Variants in PTPRT observed in about 807,000 individuals in gnomAD.
The protein encoded by PTPRT is receptor-type tyrosine-protein phosphatase T.
A neutral mutation model predicts 176.8 loss-of-function variants in PTPRT; 56 were observed. The ratio of observed to expected loss-of-function variants is 0.32; its 90% CI spans 0.26 to 0.40. The LOEUF is 0.40. Among genes scored for constraint, PTPRT ranks in the 10% least tolerant of loss-of-function variants. PTPRT has a pLI of 1.00. For missense variants in PTPRT, 1,540 were observed against 1,908.2 expected, an observed-to-expected ratio of 0.81 and a Z score of 3.60; for synonymous variants, 783 against 739.0, an observed-to-expected ratio of 1.06 and a Z score of -0.96.
chr20:42,834,033 T>C (rs531302610), intron 2 of PTPRT, among the ~76,000 whole-genome samples: 1 of 152,146 alleles, frequency 6.6e-6, no homozygotes, highest in Non-Finnish European at 1.5e-5. Context: ...GAAATTAAAA[T>C]ATTTTGCTCT....
chr20:42,472,628 C>G, intron 7 of PTPRT, 66 bp from the exon 8 acceptor site: 1 of 1,516,172 alleles, frequency 6.6e-7, no homozygotes, highest in Non-Finnish European at 8.9e-7. Context: ...GGTACATGTT[C>G]TGCTACAACA....
chr20:42,954,413 C>T (rs114260843), intron 1 of PTPRT, among the ~76,000 whole-genome samples: 10,383 of 152,032 alleles, frequency 0.068, 998 homozygotes, highest in African/African-American at 0.22. Flanking sequence ...TCCCCTGGTC[C>T]AGGAGGACAG....
At chr20:42,260,442 G>T (rs1002131501) in intron 13 of PTPRT, among the ~76,000 whole-genome samples, 7 of 152,336 alleles carry the variant, frequency 4.6e-5, no homozygotes, top group Admixed American at 4.6e-4. Flanking sequence ...GGGATTAAGG[G>T]TTTAGTCTGA....
chr20:42,759,359 C>T (rs369585986), intron 5 of PTPRT, among the ~76,000 whole-genome samples: 13 of 152,142 alleles, frequency 8.5e-5, no homozygotes, highest in South Asian at 4.1e-4. Context: ...CACTTCTTAT[C>T]GCTGTCATAT....
At chr20:42,991,248 C>T (rs1255553963) in intron 1 of PTPRT, among the ~76,000 whole-genome samples, 3 of 152,024 alleles carry the variant, frequency 2.0e-5, no homozygotes, top group Admixed American at 2.0e-4. Flanking sequence ...ATCATAGAGG[C>T]CAGCCACCTC....
the PTPRT span, among the ~76,000 whole-genome samples, chr20:42,050,145 T>G: frequency 6.6e-6 from 1 of 152,364 alleles, no homozygotes; most frequent in South Asian, 2.1e-4. Flanking sequence ...TGTTCCTTTT[T>G]CATTGCTGGA....
chr20:42,370,911 A>G (rs758729636), intron 9 of PTPRT, among the ~76,000 whole-genome samples: 1 of 152,072 alleles, frequency 6.6e-6, no homozygotes, highest in East Asian at 1.9e-4. Flanking sequence ...CTGGCCCTAC[A>G]TCTTTCACCA....
At position 42,756,654 on chromosome 20, in the gene PTPRT, A is replaced by G. The variant is rs746731251; in HGVS notation, c.685-18T>C. 1.9e-6 allele frequency: 3 copies of G among 1,546,294 alleles called. No individual in the cohort carries two copies. Among genetic ancestry groups the G allele is most frequent in the Admixed American group, 1.9e-5 (1 of 53,408 alleles). On this transcript the variant is annotated intron_variant, in intron 5 of 30. Coordinates refer to ENST00000373187, the MANE Select transcript of PTPRT (RefSeq NM_007050.6). ...TTCCATTGCTGCAGAACAGAGGAAG[A>G]GAGGGAGAGGAGGAATCATAGCATC...
At chr20:42,404,319 G>A (rs2058939186) in intron 9 of PTPRT, among the ~76,000 whole-genome samples, 1 of 152,110 alleles carries the variant, frequency 6.6e-6, no homozygotes, top group African/African-American at 2.4e-5. Flanking sequence ...TGCCTTAGGG[G>A]ATGATGAAGA....
intron 7 of PTPRT, among the ~76,000 whole-genome samples, chr20:42,639,666 T>A (rs2074693149): frequency 6.6e-6 from 1 of 152,116 alleles, no homozygotes; most frequent in Admixed American, 6.6e-5. Context: ...GCTTTCCCAC[T>A]TTTTCTCTTC....
intron 1 of PTPRT, among the ~76,000 whole-genome samples, chr20:43,034,880 C>T (rs929904921): frequency 2.6e-5 from 4 of 151,900 alleles, no homozygotes; most frequent in African/African-American, 4.8e-5. Flanking sequence ...CTGTCTGTCC[C>T]CACAACGCCT....
chr20:42,895,583 T>TC (rs2079281979), intron 1 of PTPRT, among the ~76,000 whole-genome samples: 1 of 152,152 alleles, frequency 6.6e-6, no homozygotes. Context: ...ATCCCACCCA[T>TC]CACAGGGGGC....
chr20:42,921,547 T>C (rs1314515746), intron 1 of PTPRT, among the ~76,000 whole-genome samples: 2 of 152,240 alleles, frequency 1.3e-5, no homozygotes, highest in Admixed American at 6.5e-5. Flanking sequence ...ATTGCACCAC[T>C]GCACTTCAGT....
At chr20:42,386,451 C>T (rs918338847) in intron 9 of PTPRT, among the ~76,000 whole-genome samples, 1 of 152,148 alleles carries the variant, frequency 6.6e-6, no homozygotes, top group African/African-American at 2.4e-5. Flanking sequence ...GACAGGCTGG[C>T]TCTCAAATTT....
chr20:42,515,177 T>C (rs1033043306), intron 7 of PTPRT, among the ~76,000 whole-genome samples: 11 of 152,202 alleles, frequency 7.2e-5, no homozygotes, highest in South Asian at 2.1e-4. Context: ...AATTTTATAA[T>C]TTTTTTTCAT....
At chr20:42,597,679 C>T (rs1192683680) in intron 7 of PTPRT, among the ~76,000 whole-genome samples, 1 of 152,156 alleles carries the variant, frequency 6.6e-6, no homozygotes, top group African/African-American at 2.4e-5. Flanking sequence ...TCCTCAGAAG[C>T]CAGACTGATG....
At chr20:42,317,567 A>G (rs1441847847) in intron 11 of PTPRT, among the ~76,000 whole-genome samples, 2 of 152,146 alleles carry the variant, frequency 1.3e-5, no homozygotes, top group African/African-American at 4.8e-5. Flanking sequence ...GTGAACCAGC[A>G]TGTGGTTTAT....
At chr20:42,148,496 T>C (rs1988980757) in intron 17 of PTPRT, among the ~76,000 whole-genome samples, 1 of 152,018 alleles carries the variant, frequency 6.6e-6, no homozygotes, top group African/African-American at 2.4e-5. Context: ...CTTCCTTCCT[T>C]CCCCAGTGAC....
rs544925146 is a variant in PTPRT, at chr20:42,146,707, C to A, written c.2683-4705G>T. On this transcript the variant is annotated intron_variant, in intron 17 of 30. Transcript: ENST00000373187. ...CCTCCAATCCATTCTCCACTGTAATCAGAAAGATCTTTCTAAAATGTGAAT... is the reference window on the plus strand; with the variant it reads ...CCTCCAATCCATTCTCCACTGTAATAAGAAAGATCTTTCTAAAATGTGAAT... Among the ~76,000 whole-genome samples the A allele has an allele frequency of 2.0e-5, 3 of 152,300 alleles. No individual in the cohort carries two copies. In the South Asian group the frequency reaches 6.2e-4, roughly 32 times the overall value.
Sources: allele counts gnomAD v4.1 joint callset (sites outside exome capture counted in the v4.1 genomes callset), GRCh38; gene constraint gnomAD v4.1.1; transcripts MANE v1.5; gene names NCBI Gene and HGNC (gene_info 2026-07-23, HGNC 2026-07-21).